MLIP: variants seen among roughly 807,000 people sequenced by gnomAD.
MLIP encodes muscular LMNA-interacting protein.
Under a neutral mutation model 84.8 loss-of-function variants are expected in MLIP, and 79 were observed. That is an observed-to-expected ratio of 0.93 (90% CI 0.78 to 1.12). The LOEUF (loss-of-function observed/expected upper bound fraction) is 1.12, where lower values mean the gene tolerates loss of function less well. MLIP is among the 50% of genes most tolerant of loss of function. MLIP has a pLI of 0.00. For missense variants in MLIP, 1,257 were observed against 1,160.6 expected (o/e 1.08, Z -1.21); for synonymous variants, 504 against 463.0 (o/e 1.09, Z -1.14).
chr6:54,226,344 T>A (rs1780570734), intron 11 of MLIP, among the ~76,000 whole-genome samples: 1 of 152,126 alleles, frequency 6.6e-6, no homozygotes, highest in Admixed American at 6.6e-5. Flanking sequence ...TCTATTCACA[T>A]CTCAGAACAC....
chr6:54,238,680 C>T (rs1781522784), intron 12 of MLIP, among the ~76,000 whole-genome samples: 1 of 152,124 alleles, frequency 6.6e-6, no homozygotes, highest in South Asian at 2.1e-4. Context: ...GCTGAGATTT[C>T]CTAAGCAAGA....
At chr6:54,254,564 T>G (rs1782862005) in intron 12 of MLIP, among the ~76,000 whole-genome samples, 1 of 152,104 alleles carries the variant, frequency 6.6e-6, no homozygotes, top group Non-Finnish European at 1.5e-5. Flanking sequence ...GGTTTTAGCA[T>G]TCAACATTTC....
intron 3 of MLIP, among the ~76,000 whole-genome samples, chr6:54,127,156 T>C (rs1770988246): frequency 6.6e-6 from 1 of 152,180 alleles, no homozygotes; most frequent in Admixed American, 6.5e-5. Flanking sequence ...TTAAAGATGT[T>C]CCCTTTGGAA....
Position 54,103,974 on chromosome 6 carries a change from G to A in MLIP, c.64-17473G>A, listed in dbSNP as rs73741431. Among the ~76,000 whole-genome samples the A allele has an allele frequency of 6.2e-3, 948 of 152,188 alleles. 16 individuals carry two copies. The highest frequency in any genetic ancestry group is 0.021 in the African/African-American group (861 of 41,504). On this transcript the variant is annotated intron_variant, in intron 1 of 12. Coordinates refer to the MLIP transcript ENST00000274897. ...GGTTCGTGACTTGCCCTGGTGAGCT[G>A]AGCCTGAGTGTAAGAAGTTTAGCAC...
At chr6:54,143,492 C>T (rs1435697908) in intron 4 of MLIP, among the ~76,000 whole-genome samples, 1 of 152,138 alleles carries the variant, frequency 6.6e-6, no homozygotes, top group Non-Finnish European at 1.5e-5. Flanking sequence ...AGGCATGAAC[C>T]ACCACACTGG....
chr6:54,251,121 G>A (rs927949119), intron 12 of MLIP, among the ~76,000 whole-genome samples: 5 of 152,020 alleles, frequency 3.3e-5, no homozygotes, highest in East Asian at 1.9e-4. Context: ...CAACTCCAGT[G>A]TATCTGAATT....
chr6:54,202,008 G>A (rs1778716089), intron 10 of MLIP, 97 bp from the exon 11 acceptor site: 2 of 853,688 alleles, frequency 2.3e-6, no homozygotes, highest in Non-Finnish European at 3.2e-6. Context: ...ATAATTTTCT[G>A]TGAGAACAGC....
At chr6:54,103,264 T>C (rs1768783679) in intron 1 of MLIP, among the ~76,000 whole-genome samples, 1 of 152,154 alleles carries the variant, frequency 6.6e-6, no homozygotes, top group Non-Finnish European at 1.5e-5. Context: ...ACTTCTAAAA[T>C]AACATATGTC....
intron 1 of MLIP, among the ~76,000 whole-genome samples, chr6:54,072,570 A>G (rs1766552794): frequency 1.3e-5 from 2 of 152,186 alleles, no homozygotes; most frequent in African/African-American, 4.8e-5. Flanking sequence ...TGGCTCCTGT[A>G]GAGTCTGCCA....
rs12333151 is a variant in MLIP at position 54,189,974 on chromosome 6, C to T, written c.2589+60C>T. 6.7e-3 allele frequency: 8,002 copies of T among 1,201,928 alleles called. 369 individuals are homozygous for T. In the African/African-American group the frequency reaches 0.11, roughly 16 times the overall value. 74.5% of individuals were successfully genotyped at this position (1,201,928 alleles called of 1,614,324 possible). ...TTCTGATCTCTCAAGAGAGCTTTAC[C>T]TGAGTAAAAGTGAAAAAAAGAATAC... On this transcript the variant is annotated intron_variant, in intron 10 of 13. Transcript: ENST00000502396.
intron 13 of MLIP, among the ~76,000 whole-genome samples, chr6:54,262,965 T>C (rs77348931): frequency 0.015 from 2,231 of 152,140 alleles, 52 homozygotes; most frequent in African/African-American, 0.05. Context: ...TATTTTTCTC[T>C]TCTAGAAACT....
chr6:54,180,017 T>C (rs1161316564), intron 9 of MLIP, among the ~76,000 whole-genome samples: 1 of 152,154 alleles, frequency 6.6e-6, no homozygotes, highest in African/African-American at 2.4e-5. Context: ...TTTTGTTTTC[T>C]GGGAAGGTCT....
intron 1 of MLIP, among the ~76,000 whole-genome samples, chr6:54,120,300 T>C (rs1770328393): frequency 6.6e-6 from 1 of 152,108 alleles, no homozygotes; most frequent in Non-Finnish European, 1.5e-5. Flanking sequence ...AGTGGCACGA[T>C]CTCGGCTCAC....
In MLIP at chr6:54,036,497, T is replaced by G. The variant is rs145110255; in HGVS notation, c.63+17406T>G. Among the ~76,000 whole-genome samples the G allele has an allele frequency of 2.1e-3, 313 of 152,130 alleles. 2 individuals carry two copies. The highest frequency in any genetic ancestry group is 7.0e-3 in the African/African-American group (290 of 41,560). ...ATATATTGATAACTTAGCAGAAAAC[T>G]ATTGTTCTTTCACACAATAGCTCTG... is the stretch of plus-strand genomic sequence containing the variant. On this transcript the variant is annotated intron_variant, in intron 1 of 12. Transcript: ENST00000274897.
At chr6:54,123,956 G>A (rs1309735979) in intron 2 of MLIP, among the ~76,000 whole-genome samples, 1 of 152,164 alleles carries the variant, frequency 6.6e-6, no homozygotes, top group East Asian at 1.9e-4. Flanking sequence ...TTCTATTTAT[G>A]AGTTCTCCCT....
intron 11 of MLIP, among the ~76,000 whole-genome samples, chr6:54,223,804 T>C (rs1780385910): frequency 6.6e-6 from 1 of 151,988 alleles, no homozygotes; most frequent in Non-Finnish European, 1.5e-5. Flanking sequence ...TTTTAAAAAG[T>C]AAAAAGAAGA....
At chr6:54,252,446 A>T (rs1582636581) in intron 12 of MLIP, among the ~76,000 whole-genome samples, 1 of 96,192 alleles carries the variant, frequency 1.0e-5, no homozygotes, top group South Asian at 2.7e-4. Context: ...TAATATAACT[A>T]TAGTATATTA....
intron 1 of MLIP, among the ~76,000 whole-genome samples, chr6:54,078,927 G>A (rs1766969230): frequency 6.6e-6 from 1 of 152,040 alleles, no homozygotes; most frequent in Non-Finnish European, 1.5e-5. Flanking sequence ...CTGACCTCAG[G>A]TGATCTGCCG....
intron 1 of MLIP, among the ~76,000 whole-genome samples, chr6:54,088,569 G>A (rs1313351641): frequency 6.6e-6 from 1 of 152,192 alleles, no homozygotes; most frequent in Admixed American, 6.5e-5. Flanking sequence ...AGGTGTTAGA[G>A]CAGACTGGCT....
Sources: allele counts gnomAD v4.1 joint callset (sites outside exome capture counted in the v4.1 genomes callset), GRCh38; gene constraint gnomAD v4.1.1; transcripts MANE v1.5; gene names NCBI Gene and HGNC (gene_info 2026-07-23, HGNC 2026-07-21).